METTL25: variants seen among roughly 807,000 people sequenced by gnomAD.
METTL25 encodes probable methyltransferase-like protein 25.
Under a neutral mutation model 71.6 loss-of-function variants are expected in METTL25, and 64 were observed. The ratio of observed to expected loss-of-function variants is 0.89; its 90% confidence interval spans 0.73 to 1.10. METTL25 has a LOEUF of 1.10. METTL25 is among the 50% of genes least tolerant of loss of function. The pLI is 0.00. For missense variants in METTL25, 807 were observed against 707.0 expected (o/e 1.14, Z -1.60); for synonymous variants, 287 against 250.3 (o/e 1.15, Z -1.38).
chr12:82,420,930 A>G (rs991278498), intron 5 of METTL25, among the ~76,000 whole-genome samples: 1 of 151,906 alleles, frequency 6.6e-6, no homozygotes, highest in Admixed American at 6.6e-5. Flanking sequence ...ATCTCGGCTC[A>G]CTGCAACCTC....
chr12:82,475,826 A>AT (rs1017885996), intron 9 of METTL25, among the ~76,000 whole-genome samples: 3 of 151,934 alleles, frequency 2.0e-5, no homozygotes, highest in Non-Finnish European at 2.9e-5. Context: ...CAGATTTCAG[A>AT]TTTTTTTTGA....
At chr12:82,395,611 A>T (rs1489122536) in intron 3 of METTL25, among the ~76,000 whole-genome samples, 3 of 152,056 alleles carry the variant, frequency 2.0e-5, no homozygotes. Flanking sequence ...ATGTATCTTT[A>T]CTATCTAAAG....
At chr12:82,460,955 A>G (rs940960334) in intron 9 of METTL25, among the ~76,000 whole-genome samples, 2 of 152,160 alleles carry the variant, frequency 1.3e-5, no homozygotes, top group African/African-American at 4.8e-5. Context: ...CATCCTGGCT[A>G]ACACAGTGAA....
At chr12:82,400,257 T>A (rs1346217956) in intron 4 of METTL25, among the ~76,000 whole-genome samples, 1 of 151,632 alleles carries the variant, frequency 6.6e-6, no homozygotes, top group Non-Finnish European at 1.5e-5. Context: ...GCATGAACCC[T>A]GGAGGTGGAG....
At chr12:82,407,682 G>A (rs990206841) in intron 5 of METTL25, 1 of 253,854 alleles carries the variant, frequency 3.9e-6, no homozygotes, top group African/African-American at 2.3e-5. Flanking sequence ...GATGAAATGG[G>A]CGGGGACGTA....
intron 1 of METTL25, among the ~76,000 whole-genome samples, chr12:82,370,727 T>G (rs1883136957): frequency 1.3e-5 from 2 of 152,112 alleles, no homozygotes; most frequent in African/African-American, 4.8e-5. Flanking sequence ...TTTGACTCCT[T>G]CTTTGTCTCT....
chr12:82,452,350 G>A (rs1891209600), intron 8 of METTL25, among the ~76,000 whole-genome samples: 1 of 152,056 alleles, frequency 6.6e-6, no homozygotes, highest in South Asian at 2.1e-4. Context: ...TACAATTGCA[G>A]TATTTAGCCA....
chr12:82,383,341 G>A (rs938235266), intron 1 of METTL25, among the ~76,000 whole-genome samples: 2 of 21,624 alleles, frequency 9.2e-5, no homozygotes, highest in African/African-American at 1.5e-4. Flanking sequence ...TGTCCTGCTT[G>A]ATTTTCTTTG....
chr12:82,464,115 A>G (rs150364207), intron 9 of METTL25, among the ~76,000 whole-genome samples: 9 of 151,880 alleles, frequency 5.9e-5, no homozygotes, highest in Admixed American at 5.9e-4. Context: ...TTTTAGTTTG[A>G]TATAATCCTC....
intron 5 of METTL25, among the ~76,000 whole-genome samples, chr12:82,408,489 C>G (rs1418664106): frequency 6.6e-6 from 1 of 152,008 alleles, no homozygotes; most frequent in Non-Finnish European, 1.5e-5. Flanking sequence ...AGAAGCTAAA[C>G]AAATTCAAGG....
intron 5 of METTL25, among the ~76,000 whole-genome samples, chr12:82,411,398 T>C (rs896255466): frequency 7.2e-5 from 11 of 152,044 alleles, no homozygotes; most frequent in African/African-American, 2.4e-4. Context: ...GAACAATGTA[T>C]ATGATAGGAA....
chr12:82,451,707 C>T (rs1367136485), intron 8 of METTL25, among the ~76,000 whole-genome samples: 1 of 152,022 alleles, frequency 6.6e-6, no homozygotes, highest in African/African-American at 2.4e-5. Flanking sequence ...TTTAGGGTCT[C>T]ATTTGGGATT....
chr12:82,445,347 TCA>T (rs954633858), intron 8 of METTL25, among the ~76,000 whole-genome samples: 7 of 152,192 alleles, frequency 4.6e-5, no homozygotes, highest in Non-Finnish European at 7.4e-5. Context: ...GTGGCACTAT[TCA>T]CAGTCAAGAG....
At chr12:82,359,583 C>T (rs12832688) in intron 1 of METTL25, among the ~76,000 whole-genome samples, 1 of 152,308 alleles carries the variant, frequency 6.6e-6, no homozygotes, top group Non-Finnish European at 1.5e-5. Flanking sequence ...TAGGAGACTA[C>T]CTCAGTAGTA....
chr12:82,383,909 A>T (rs921798826), intron 1 of METTL25, among the ~76,000 whole-genome samples: 2 of 152,150 alleles, frequency 1.3e-5, no homozygotes, highest in African/African-American at 2.4e-5. Flanking sequence ...ATATTTGTAG[A>T]AAATAATCTC....
intron 8 of METTL25, among the ~76,000 whole-genome samples, chr12:82,446,302 A>G (rs1176293706): frequency 6.6e-6 from 1 of 152,168 alleles, no homozygotes; most frequent in Non-Finnish European, 1.5e-5. Flanking sequence ...TTTGTGTTAA[A>G]CTACACTGTA....
chr12:82,477,330 G>A lies in METTL25; in HGVS notation c.1697G>A (p.Arg566Gln), dbSNP rs1489028997. 9.6e-6 allele frequency: 15 copies of A among 1,561,124 alleles called. No homozygotes were observed. Among genetic ancestry groups the A allele is most frequent in the Non-Finnish European group, 1.1e-5 (13 of 1,152,716 alleles). ...PCIETLILLDRLCYLKEQEDI... is the reference protein window; with the variant it reads ...PCIETLILLDQLCYLKEQEDI... ...ATAGAGACTTTGATTCTTCTGGATC[G>A]ACTTTGTTACCTGAAAGAGCAGGTA... The change falls in exon 11 of 12, where the codon CGA (arginine) becomes CAA (glutamine). Residue 566 changes from arginine to glutamine, a missense_variant. Transcript: ENST00000248306.
At chr12:82,407,849 A>C (rs536011532) in intron 5 of METTL25, 1 of 985,374 alleles carries the variant, frequency 1.0e-6, no homozygotes, top group Non-Finnish European at 1.2e-6. Context: ...ACATTTTCTC[A>C]TCTCAAAAAC....
At chr12:82,390,475 TG>T (rs1286400539) in intron 3 of METTL25, among the ~76,000 whole-genome samples, 14 of 152,136 alleles carry the variant, frequency 9.2e-5, no homozygotes, top group African/African-American at 3.1e-4. Context: ...TTGTACACAT[TG>T]GCCTATAAAA....
Sources: allele counts gnomAD v4.1 joint callset (sites outside exome capture counted in the v4.1 genomes callset), GRCh38; gene constraint gnomAD v4.1.1; transcripts MANE v1.5; gene names NCBI Gene and HGNC (gene_info 2026-07-23, HGNC 2026-07-21).